The following EFHC2 variants were observed in gnomAD, a reference collection of about 807,000 sequenced individuals.
The protein encoded by EFHC2 is EF-hand domain-containing family member C2.
EFHC2 carries 18 observed loss-of-function variants against 52.7 expected under a neutral mutation model. The ratio of observed to expected loss-of-function variants is 0.34; its 90% CI spans 0.24 to 0.51. The LOEUF (loss-of-function observed/expected upper bound fraction) is 0.51. Ranked by LOEUF, EFHC2 falls within the 20% of genes least tolerant of loss-of-function variation. EFHC2 has a pLI of 0.97. For missense variants in EFHC2, 513 were observed against 562.5 expected (o/e 0.91, Z 0.89); for synonymous variants, 203 against 204.1 (o/e 0.99, Z 0.04).
At chrX:44,156,378 T>C (rs553567460) in intron 14 of EFHC2, among the ~76,000 whole-genome samples, 29 of 112,806 alleles carry the variant, frequency 2.6e-4, no homozygotes, top group African/African-American at 9.0e-4. Flanking sequence ...AGCCCCTGAC[T>C]ATACAATCCT....
At chrX:44,224,748 C>T (rs1286651100) in intron 11 of EFHC2, among the ~76,000 whole-genome samples, 1 of 112,516 alleles carries the variant, frequency 8.9e-6, no homozygotes, top group African/African-American at 3.2e-5. Context: ...GGGCCCTGCC[C>T]TCTGAGAGCT....
intron 2 of EFHC2, chrX:44,309,944 G>A (rs887500147): frequency 1.3e-5 from 13 of 979,773 alleles, no homozygotes; most frequent in Non-Finnish European, 1.6e-5. Context: ...TGTCAATAAG[G>A]AGACTATACA....
At position 44,294,862 on chromosome X, in the gene EFHC2, A is replaced by T. The variant is rs1026964442; in HGVS notation, c.231+17706T>A. 5.3e-5 allele frequency among the ~76,000 whole-genome samples: 6 copies of T among 112,420 alleles called. No individual in the cohort carries two copies. The Admixed American group carries it at 5.7e-4, about 11-fold the overall frequency. ...CGTATATATTGCCAAGTTGTCTTCC[A>T]TGTGTCAGGCGTTGTGCTAAGCTCT... is the stretch of plus-strand genomic sequence containing the variant. On this transcript the variant is annotated intron_variant, in intron 2 of 14. Coordinates refer to ENST00000420999, the MANE Select transcript of EFHC2 (RefSeq NM_025184.4).
At chrX:44,183,109 A>G (rs1276029631) in intron 11 of EFHC2, among the ~76,000 whole-genome samples, 4 of 111,439 alleles carry the variant, frequency 3.6e-5, no homozygotes, top group Non-Finnish European at 7.5e-5. Context: ...AGTCTAAGCA[A>G]TGTCTTTCAA....
chrX:44,170,222 A>T (rs1416312215), intron 13 of EFHC2, among the ~76,000 whole-genome samples: 1 of 110,087 alleles, frequency 9.1e-6, no homozygotes, highest in African/African-American at 3.3e-5. Context: ...ACTAGTCAGG[A>T]GTATATTCAG....
In EFHC2 at chrX:44,232,645, G is replaced by T. The variant is rs367613569; in HGVS notation, c.1456C>A (p.Arg486Ser). Reference protein sequence around the residue: ...IAGGMFLKRSRVKKPGQEVFK... With the variant: ...IAGGMFLKRSSVKKPGQEVFK... ...ACTTCTTGTCCAGGCTTCTTAACGC[G>T]ACTTCTTTTCAAGAACATCCCACCA... Residue 486 changes from arginine (R) to serine (S), a missense_variant, in exon 10 of 15, where the codon CGC (arginine) becomes AGC (serine). Coordinates refer to ENST00000420999, the MANE Select transcript of EFHC2 (RefSeq NM_025184.4). 2.8e-5 allele frequency: 33 copies of T among 1,195,841 alleles called. No homozygotes were observed. The highest frequency in any genetic ancestry group is 3.5e-5 in the Non-Finnish European group (31 of 887,862).
At chrX:44,161,847 A>G (rs1057456879) in intron 14 of EFHC2, among the ~76,000 whole-genome samples, 2 of 112,350 alleles carry the variant, frequency 1.8e-5, no homozygotes, top group Non-Finnish European at 3.8e-5. Flanking sequence ...TGTTTTTGTG[A>G]TAGTGTTTCA....
At chrX:44,163,695 TA>T (rs1240757232) in intron 14 of EFHC2, among the ~76,000 whole-genome samples, 8 of 111,558 alleles carry the variant, frequency 7.2e-5, no homozygotes, top group Non-Finnish European at 1.3e-4. Context: ...CGATCGAGGT[TA>T]AAAAAAATTC....
chrX:44,273,138 G>A (rs748055683), intron 2 of EFHC2, among the ~76,000 whole-genome samples: 5 of 112,641 alleles, frequency 4.4e-5, no homozygotes, highest in South Asian at 3.7e-4. Context: ...ATTTCACAGT[G>A]GGATTCTAAA....
At chrX:44,309,617 T>C (rs1427438690) in intron 2 of EFHC2, 1 of 1,155,516 alleles carries the variant, frequency 8.7e-7, no homozygotes, top group Non-Finnish European at 1.2e-6. Context: ...TCTCTCACTT[T>C]CTCCTCCGAT....
At chrX:44,248,062 G>A (rs778298951) in intron 7 of EFHC2, among the ~76,000 whole-genome samples, 3 of 110,662 alleles carry the variant, frequency 2.7e-5, no homozygotes, top group Non-Finnish European at 5.7e-5. Context: ...TTTAAGCCTC[G>A]GTTTTTTTCA....
chrX:44,338,323 C>T (rs1234294942), intron 1 of EFHC2, among the ~76,000 whole-genome samples: 3 of 104,802 alleles, frequency 2.9e-5, no homozygotes, highest in South Asian at 4.4e-4. Context: ...ACAGTGAGAC[C>T]GCATCTCTAC....
At chrX:44,292,975 C>CTTT in intron 2 of EFHC2, among the ~76,000 whole-genome samples, 1 of 94,220 alleles carries the variant, frequency 1.1e-5, no homozygotes, top group Non-Finnish European at 2.1e-5. Flanking sequence ...TCCTTTCTTT[C>CTTT]TTTTTTTTTT....
chrX:44,196,295 C>T (rs755779370), intron 11 of EFHC2, among the ~76,000 whole-genome samples: 1 of 111,907 alleles, frequency 8.9e-6, no homozygotes, highest in African/African-American at 3.2e-5. Context: ...AGAGCCAGGC[C>T]TGTGGCTGAC....
At chrX:44,191,057 C>T (rs1298954062) in intron 11 of EFHC2, among the ~76,000 whole-genome samples, 2 of 111,592 alleles carry the variant, frequency 1.8e-5, no homozygotes, top group Non-Finnish European at 3.8e-5. Flanking sequence ...GGACATGGGA[C>T]AAAAGCGCTC....
chrX:44,228,830 G>A (rs1278193019), intron 11 of EFHC2, among the ~76,000 whole-genome samples: 1 of 111,605 alleles, frequency 9.0e-6, no homozygotes, highest in Non-Finnish European at 1.9e-5. Context: ...TGCATCAAGC[G>A]GAGTTTACTA....
intron 10 of EFHC2, 100 bp downstream of exon 10, chrX:44,232,381 C>A: frequency 1.6e-6 from 1 of 631,604 alleles, no homozygotes; most frequent in Non-Finnish European, 2.3e-6. Context: ...GCACAATGTA[C>A]AACTGGTGGC....
At chrX:44,261,371 C>T in intron 3 of EFHC2, 73 bp from the exon 4 acceptor site, 2 of 921,816 alleles carry the variant, frequency 2.2e-6, no homozygotes, top group East Asian at 3.3e-5. Flanking sequence ...CATTCACTAA[C>T]AACCCTGAAT....
intron 11 of EFHC2, among the ~76,000 whole-genome samples, chrX:44,188,672 T>C (rs1170685623): frequency 9.0e-6 from 1 of 111,389 alleles, no homozygotes; most frequent in Admixed American, 9.6e-5. Context: ...TGTATACATA[T>C]AGCGAGAAAT....
Sources: allele counts gnomAD v4.1 joint callset (sites outside exome capture counted in the v4.1 genomes callset), GRCh38; gene constraint gnomAD v4.1.1; transcripts MANE v1.5; gene names NCBI Gene and HGNC (gene_info 2026-07-23, HGNC 2026-07-21).